Variants in ERICH6B observed in about 807,000 individuals in gnomAD.
The protein encoded by ERICH6B is glutamate-rich protein 6B.
Under a neutral mutation model 80.0 loss-of-function variants are expected in ERICH6B, and 69 were observed. The ratio of observed to expected loss-of-function variants is 0.86; its 90% CI spans 0.71 to 1.05. The LOEUF (loss-of-function observed/expected upper bound fraction) is 1.05. Ranked by LOEUF, ERICH6B falls within the 50% of genes least tolerant of loss-of-function variation. The pLI is 0.00. For synonymous variants in ERICH6B, 283 were observed against 291.9 expected (o/e 0.97, Z 0.31); for missense variants, 754 against 796.1 (o/e 0.95, Z 0.64).
intron 13 of ERICH6B, among the ~76,000 whole-genome samples, chr13:45,548,073 G>A (rs1593771983): frequency 6.6e-6 from 1 of 152,308 alleles, no homozygotes; most frequent in Non-Finnish European, 1.5e-5. Flanking sequence ...ACACTGTGTG[G>A]GACCCTGAAC....
chr13:45,602,509 G>C (rs1449779998), intron 2 of ERICH6B, among the ~76,000 whole-genome samples: 1 of 152,152 alleles, frequency 6.6e-6, no homozygotes, highest in South Asian at 2.1e-4. Flanking sequence ...AGTCCTGGGG[G>C]AGCCAGGATG....
intron 14 of ERICH6B, among the ~76,000 whole-genome samples, chr13:45,543,335 A>C (rs977184779): frequency 3.3e-5 from 5 of 152,088 alleles, no homozygotes. Flanking sequence ...GTCCCCCAAA[A>C]GTGATGTCCA....
chr13:45,596,256 G>T lies in ERICH6B; in HGVS notation c.637+113C>A, dbSNP rs1876363195. 3 of 1,308,962 alleles carry T rather than the reference G, an allele frequency of 2.3e-6. No homozygotes were observed. In the Admixed American group the frequency reaches 8.5e-5, roughly 37 times the overall value. 81.1% of individuals were successfully genotyped at this position (1,308,962 alleles called of 1,614,324 possible). ...GGTAAACTAGAGTTACCATCCTTTG[G>T]GATGCCCTCCTCCAGATACTCATCC... On this transcript the variant is annotated intron_variant, in intron 3 of 14. Coordinates refer to ENST00000298738, the MANE Select transcript of ERICH6B (RefSeq NM_182542.3).
chr13:45,564,908 C>T (rs1373679245), intron 9 of ERICH6B, among the ~76,000 whole-genome samples: 3 of 152,096 alleles, frequency 2.0e-5, no homozygotes, highest in Admixed American at 2.0e-4. Flanking sequence ...TGTTTTTTGC[C>T]CACCTTTGCA....
chr13:45,606,547 ATTTTT>A (rs71074722), intron 2 of ERICH6B, among the ~76,000 whole-genome samples: 65 of 16,484 alleles, frequency 3.9e-3, no homozygotes, highest in South Asian at 5.9e-3. Flanking sequence ...ATATATATAT[ATTTTT>A]TTTTTTTTTT....
intron 3 of ERICH6B, among the ~76,000 whole-genome samples, chr13:45,594,412 C>A (rs1876278859): frequency 6.6e-6 from 1 of 152,150 alleles, no homozygotes; most frequent in Non-Finnish European, 1.5e-5. Flanking sequence ...AAAGATCCAG[C>A]ACATAGAGGG....
At chr13:45,588,212 GT>G (rs1248614326) in intron 4 of ERICH6B, among the ~76,000 whole-genome samples, 1 of 152,174 alleles carries the variant, frequency 6.6e-6, no homozygotes, top group Non-Finnish European at 1.5e-5. Flanking sequence ...GCAGAAGCCT[GT>G]TTTTTCTCAC....
At chr13:45,551,158 C>A (rs894225316) in intron 11 of ERICH6B, among the ~76,000 whole-genome samples, 10 of 152,046 alleles carry the variant, frequency 6.6e-5, no homozygotes, top group African/African-American at 2.4e-4. Context: ...AGTTACATCG[C>A]TGTTTTCATT....
chr13:45,566,714 G>A lies in ERICH6B; in HGVS notation c.1187+1601C>T, dbSNP rs184153457. Among the ~76,000 whole-genome samples the A allele has an allele frequency of 7.4e-3, 1,120 of 152,378 alleles. 12 individuals carry two copies. The highest frequency in any genetic ancestry group is 0.025 in the African/African-American group (1,042 of 41,592). On this transcript the variant is annotated intron_variant, in intron 9 of 14. Transcript: ENST00000298738. ...CTGGATGCCTAGGCAGAAGTTTGCT[G>A]TAGGGGCGGGGTCCTCATGGAGAAT...
At chr13:45,614,817 G>C (rs903218905) in intron 1 of ERICH6B, among the ~76,000 whole-genome samples, 1 of 152,232 alleles carries the variant, frequency 6.6e-6, no homozygotes, top group East Asian at 1.9e-4. Flanking sequence ...CTTGGCTGAA[G>C]TCTGCTGCTC....
chr13:45,598,436 C>T (rs541680229), intron 2 of ERICH6B, among the ~76,000 whole-genome samples: 14 of 152,212 alleles, frequency 9.2e-5, no homozygotes, highest in South Asian at 4.1e-4. Flanking sequence ...AAGAGGCAAC[C>T]GGACCAGAAT....
chr13:45,591,512 C>T (rs1021670513), intron 3 of ERICH6B, among the ~76,000 whole-genome samples: 16 of 152,158 alleles, frequency 1.1e-4, no homozygotes, highest in Admixed American at 3.9e-4. Context: ...AGGAGAATGG[C>T]GTGAACCCAG....
chr13:45,610,837 G>T (rs1392262234), intron 1 of ERICH6B, among the ~76,000 whole-genome samples: 4 of 117,868 alleles, frequency 3.4e-5, no homozygotes, highest in Non-Finnish European at 5.9e-5. Flanking sequence ...GCAGGACTGT[G>T]TGTGTGTGTG....
intron 1 of ERICH6B, among the ~76,000 whole-genome samples, chr13:45,611,991 C>A (rs1593331216): frequency 6.6e-6 from 1 of 152,150 alleles, no homozygotes; most frequent in Admixed American, 6.5e-5. Context: ...TTGAAGGTAG[C>A]TTTTATGTTC....
chr13:45,575,966 C>T (rs933374504), intron 7 of ERICH6B, among the ~76,000 whole-genome samples: 9 of 152,308 alleles, frequency 5.9e-5, no homozygotes, highest in African/African-American at 2.2e-4. Context: ...GACACCAGCC[C>T]TTTCCAGCTA....
At chr13:45,606,532 TATATATATA>T (rs1949864704) in intron 2 of ERICH6B, among the ~76,000 whole-genome samples, 2 of 25,006 alleles carry the variant, frequency 8.0e-5, no homozygotes, top group Non-Finnish European at 1.7e-4. Flanking sequence ...TATATATATA[TATATATATA>T]TATATATTTT....
chr13:45,611,226 T>C (rs1022301103), intron 1 of ERICH6B, among the ~76,000 whole-genome samples: 5 of 152,208 alleles, frequency 3.3e-5, no homozygotes, highest in Non-Finnish European at 7.3e-5. Flanking sequence ...ATCAAGCCAA[T>C]GCATTTTCCT....
At chr13:45,588,144 G>A (rs1055153397) in intron 4 of ERICH6B, among the ~76,000 whole-genome samples, 4 of 152,320 alleles carry the variant, frequency 2.6e-5, no homozygotes, top group Non-Finnish European at 4.4e-5. Flanking sequence ...TAGGGGCAGC[G>A]CATGGGGTAA....
chr13:45,568,432 T>C lies in ERICH6B; in HGVS notation c.1070A>G (p.Gln357Arg). The C allele has an allele frequency of 6.5e-7, 1 of 1,530,778 alleles. No individual in the cohort carries two copies. 94.8% of individuals were successfully genotyped at this position (1,530,778 alleles called of 1,614,324 possible). Residue 357 changes from glutamine (Q) to arginine (R), a missense_variant, in exon 9 of 15, where the codon CAG (glutamine) becomes CGG (arginine). Physicochemically the swap from Gln to Arg is conservative, Grantham distance 43. Transcript: ENST00000298738. ...LDENFLNSSY[Q>R]TVFKTIIKEM... is the part of the protein sequence containing the mutation. ...TTTGATTATTGTTTTAAATACTGTCTGATAGGAGCTGTTCAAAAACTACAA... is the reference window on the plus strand; with the variant it reads ...TTTGATTATTGTTTTAAATACTGTCCGATAGGAGCTGTTCAAAAACTACAA...
Sources: allele counts gnomAD v4.1 joint callset (sites outside exome capture counted in the v4.1 genomes callset), GRCh38; gene constraint gnomAD v4.1.1; transcripts MANE v1.5; gene names NCBI Gene and HGNC (gene_info 2026-07-23, HGNC 2026-07-21).